Variants in CRYZL1 observed in about 807,000 individuals in gnomAD.
CRYZL1 encodes ferry endosomal RAB5 effector complex subunit 4.
In CRYZL1, 34 loss-of-function variants were observed where a neutral mutation model predicts 50.6. The ratio of observed to expected loss-of-function variants is 0.67; its 90% confidence interval spans 0.51 to 0.89. CRYZL1 has a LOEUF of 0.89. CRYZL1 is among the 40% of genes least tolerant of loss of function. The probability of loss-of-function intolerance (pLI) is 0.00; values close to 1 mark genes in which losing one functional copy is unlikely to be tolerated. For missense variants in CRYZL1, 354 were observed against 402.3 expected, an observed-to-expected ratio of 0.88 and a Z score of 1.03; for synonymous variants, 125 against 134.3, an observed-to-expected ratio of 0.93 and a Z score of 0.48.
intron 3 of CRYZL1, among the ~76,000 whole-genome samples, chr21:33,623,133 T>C (rs1329520411): frequency 6.6e-6 from 1 of 151,958 alleles, no homozygotes; most frequent in Non-Finnish European, 1.5e-5. Context: ...GCCCAGCTAA[T>C]TTTTGTATTT....
intron 4 of CRYZL1, among the ~76,000 whole-genome samples, chr21:33,618,637 C>G (rs952165394): frequency 1.3e-5 from 2 of 152,278 alleles, no homozygotes; most frequent in South Asian, 2.1e-4. Context: ...TTTGTTGCCA[C>G]TAGCAAGTAA....
chr21:33,616,027 C>T (rs931944335), intron 5 of CRYZL1, among the ~76,000 whole-genome samples: 50 of 152,250 alleles, frequency 3.3e-4, no homozygotes, highest in Admixed American at 1.0e-3. Flanking sequence ...GTGCGCTGCA[C>T]CCACTAACTC....
chr21:33,626,289 C>T (rs2087062004), intron 2 of CRYZL1, among the ~76,000 whole-genome samples: 1 of 152,064 alleles, frequency 6.6e-6, no homozygotes, highest in East Asian at 1.9e-4. Context: ...GTCCTTTATT[C>T]AACTCTTCCT....
At chr21:33,629,578 A>T (rs1385385327) in intron 2 of CRYZL1, among the ~76,000 whole-genome samples, 4 of 152,016 alleles carry the variant, frequency 2.6e-5, no homozygotes, top group Non-Finnish European at 5.9e-5. Context: ...CTGATTTTTT[A>T]TTTCGTATCC....
At chr21:33,612,486 A>G (rs2086882999) in intron 6 of CRYZL1, among the ~76,000 whole-genome samples, 1 of 152,126 alleles carries the variant, frequency 6.6e-6, no homozygotes, top group South Asian at 2.1e-4. Context: ...ACAGAGTTTC[A>G]CCATGTTGGC....
chr21:33,606,619 T>A (rs1019812083), intron 6 of CRYZL1, among the ~76,000 whole-genome samples: 1 of 151,194 alleles, frequency 6.6e-6, no homozygotes, highest in Middle Eastern at 3.2e-3. Context: ...GGGCAAGACT[T>A]TGTCTCAAAA....
At chr21:33,607,168 T>G (rs763721581) in intron 6 of CRYZL1, among the ~76,000 whole-genome samples, 1 of 152,238 alleles carries the variant, frequency 6.6e-6, no homozygotes, top group Non-Finnish European at 1.5e-5. Context: ...ACAGAATTGC[T>G]TAAGAACTGA....
intron 6 of CRYZL1, among the ~76,000 whole-genome samples, chr21:33,604,864 G>T (rs189667304): frequency 2.6e-5 from 4 of 152,250 alleles, no homozygotes; most frequent in African/African-American, 7.2e-5. Flanking sequence ...TACTTAAATT[G>T]GAGTGGAAAT....
chr21:33,631,665 G>C (rs893841035), intron 1 of CRYZL1, 108 bp from the exon 2 acceptor site: 2 of 605,910 alleles, frequency 3.3e-6, no homozygotes, highest in African/African-American at 3.9e-5. Context: ...AACTACAAAT[G>C]TAGTTTTCAA....
intron 11 of CRYZL1, among the ~76,000 whole-genome samples, chr21:33,592,010 G>A (rs79673387): frequency 0.02 from 2,957 of 151,122 alleles, 35 homozygotes; most frequent in Non-Finnish European, 0.03. Context: ...GCATATAACC[G>A]AGGCACATCT....
intron 6 of CRYZL1, among the ~76,000 whole-genome samples, chr21:33,605,689 T>C (rs2086805528): frequency 6.6e-6 from 1 of 150,992 alleles, no homozygotes; most frequent in South Asian, 2.1e-4. Flanking sequence ...GCCTGGCTAA[T>C]TTTTGTATTT....
chr21:33,591,351 T>C (rs568995107), intron 11 of CRYZL1, 144 bp from the exon 12 acceptor site: 9 of 681,018 alleles, frequency 1.3e-5, no homozygotes, highest in South Asian at 5.1e-5. Flanking sequence ...AGAGAAATTC[T>C]GTAGGACGTC....
intron 12 of CRYZL1, 52 bp from the exon 13 acceptor site, chr21:33,589,973 C>G (rs761179022): frequency 9.5e-7 from 1 of 1,055,978 alleles, no homozygotes; most frequent in South Asian, 1.4e-5. Context: ...ATAAGTAGAA[C>G]AAACAGGGTG....
chr21:33,595,260 T>C (rs982094284), intron 11 of CRYZL1: 4 of 983,884 alleles, frequency 4.1e-6, no homozygotes, highest in African/African-American at 1.7e-5. Context: ...TTTCCTAGCA[T>C]TGATATTTAT....
chr21:33,595,227 A>C (rs973201139), intron 11 of CRYZL1: 54 of 1,034,408 alleles, frequency 5.2e-5, no homozygotes, highest in Non-Finnish European at 1.5e-5. Context: ...CAAAAAGTCA[A>C]ACCTATCTTC....
intron 11 of CRYZL1, chr21:33,595,425 A>G: frequency 7.4e-7 from 1 of 1,351,050 alleles, no homozygotes; most frequent in Non-Finnish European, 9.8e-7. Context: ...CTTAGGGCTC[A>G]TCTCTGTTCA....
At chr21:33,631,878 C>A (rs2087141521) in intron 1 of CRYZL1, among the ~76,000 whole-genome samples, 1 of 152,064 alleles carries the variant, frequency 6.6e-6, no homozygotes, top group African/African-American at 2.4e-5. Flanking sequence ...ATTTTATTTA[C>A]CTTTTATTAA....
In CRYZL1 at chr21:33,631,515, C is replaced by T; in HGVS notation, c.37G>A (p.Glu13Lys). ...TCTTGAAATACAAATGTTATTTCTT[C>T]ATCTGTGGAACTCTGTTGGAAATAT... ...GLYFQQSSTD[E>K]EITFVFQEKE... is the part of the protein sequence containing the mutation. Residue 13 changes from glutamate to lysine, a missense_variant, in exon 2 of 13, where the codon GAA becomes AAA. Physicochemically the swap from Glu to Lys is moderately conservative, Grantham distance 56 (BLOSUM62 1). Coordinates refer to ENST00000381554, the MANE Select transcript of CRYZL1 (RefSeq NM_145858.3). The T allele has an allele frequency of 6.6e-7, 1 of 1,521,694 alleles. No individual in the cohort carries two copies. Among genetic ancestry groups the T allele is most frequent in the Non-Finnish European group, 8.8e-7 (1 of 1,140,406 alleles). The allele number at this position is 1,521,694 out of a possible 1,614,324, so 94.3% of individuals were successfully genotyped here. A position where few individuals can be genotyped will look rare whatever the true frequency, so the allele number is the denominator to read the frequency against.
At chr21:33,609,240 G>A (rs974251900) in intron 6 of CRYZL1, among the ~76,000 whole-genome samples, 3 of 151,806 alleles carry the variant, frequency 2.0e-5, no homozygotes, top group Non-Finnish European at 2.9e-5. Flanking sequence ...TCAGATGTAC[G>A]GCTTATCAAC....
Sources: gnomAD v4.1 joint callset for allele counts (sites outside exome capture counted in the v4.1 genomes callset) on GRCh38, gnomAD v4.1.1 for gene constraint, MANE v1.5 for transcripts, NCBI Gene and HGNC (gene_info 2026-07-23, HGNC 2026-07-21) for gene names.